NHERF2: variants seen among roughly 807,000 people sequenced by gnomAD.
NHERF2 encodes NHERF family PDZ scaffold protein 2, also known as Na(+)/H(+) exchange regulatory cofactor NHE-RF2.
chr16:2,028,067 G>A, the NHERF2 span, among the ~76,000 whole-genome samples: 5 of 152,306 alleles, frequency 3.3e-5, no homozygotes, highest in African/African-American at 1.2e-4. Flanking sequence ...ACAGGCCAGG[G>A]ACTCCCTCCA....
At chr16:2,033,606 A>G in the NHERF2 span, among the ~76,000 whole-genome samples, 1 of 152,008 alleles carries the variant, frequency 6.6e-6, no homozygotes, top group Non-Finnish European at 1.5e-5. Context: ...TGCCCAGGGT[A>G]CCCCCATGCC....
the NHERF2 span, chr16:2,036,737 C>A: frequency 1.2e-6 from 2 of 1,612,396 alleles, no homozygotes; most frequent in Non-Finnish European, 1.7e-6. Context: ...GGTGAACGGG[C>A]AGAATGTGGA....
the NHERF2 span, chr16:2,033,392 C>T: frequency 2.2e-5 from 33 of 1,533,264 alleles, no homozygotes; most frequent in Non-Finnish European, 2.6e-5. Context: ...GCCCGGGCTC[C>T]GGGAGCCCCT....
the NHERF2 span, chr16:2,036,565 G>C: frequency 6.5e-7 from 1 of 1,530,294 alleles, no homozygotes; most frequent in Non-Finnish European, 8.8e-7. Flanking sequence ...CTGGGGCCCT[G>C]GGTCCTTGCA....
chr16:2,034,171 C>T, the NHERF2 span, among the ~76,000 whole-genome samples: 2 of 152,152 alleles, frequency 1.3e-5, no homozygotes, highest in African/African-American at 4.8e-5. Context: ...TGGGGCTGGC[C>T]GCATGTGTGG....
At chr16:2,038,231 G>A in the NHERF2 span, 3 of 590,184 alleles carry the variant, frequency 5.1e-6, no homozygotes, top group Non-Finnish European at 9.0e-6. Context: ...CAGAGAGAGA[G>A]AGAGAGAGAC....
chr16:2,036,748 G>A, the NHERF2 span: 2 of 1,613,126 alleles, frequency 1.2e-6, no homozygotes, highest in Non-Finnish European at 8.5e-7. Flanking sequence ...AGAATGTGGA[G>A]GGACTGCGCC....
chr16:2,035,378 C>T, the NHERF2 span: 270 of 985,810 alleles, frequency 2.7e-4, 1 homozygote, highest in African/African-American at 4.3e-3. Context: ...GCCCCCTTGC[C>T]ATGCCGCCCC....
chr16:2,036,658 C>G, the NHERF2 span: 4 of 1,580,554 alleles, frequency 2.5e-6, no homozygotes, highest in South Asian at 4.5e-5. Context: ...TATTTGATGC[C>G]ACACCTGGCC....
the NHERF2 span, chr16:2,029,823 C>G: frequency 2.0e-6 from 3 of 1,477,142 alleles, no homozygotes; most frequent in Non-Finnish European, 2.8e-6. Context: ...CTAGCCTCTC[C>G]CAGAGGCTCT....
chr16:2,030,661 G>C, the NHERF2 span, among the ~76,000 whole-genome samples: 1 of 149,912 alleles, frequency 6.7e-6, no homozygotes, highest in African/African-American at 2.5e-5. Context: ...AACCCTGGCC[G>C]GGTGCGGTGG....
At chr16:2,029,270 T>C in the NHERF2 span, among the ~76,000 whole-genome samples, 5 of 152,196 alleles carry the variant, frequency 3.3e-5, no homozygotes, top group Non-Finnish European at 7.3e-5. Context: ...CAGACAGGAC[T>C]TACCCAGCGG....
At chr16:2,027,487 C>A in the NHERF2 span, among the ~76,000 whole-genome samples, 1 of 152,236 alleles carries the variant, frequency 6.6e-6, no homozygotes, top group Non-Finnish European at 1.5e-5. Flanking sequence ...CTCAGTGTGC[C>A]GTGAAGGAGG....
chr16:2,029,711 G>A, the NHERF2 span: 76 of 912,786 alleles, frequency 8.3e-5, no homozygotes, highest in Non-Finnish European at 1.1e-4. Flanking sequence ...GCTCCCACCC[G>A]CCCACGACCC....
the NHERF2 span, chr16:2,032,790 C>G: frequency 1.0e-6 from 1 of 996,316 alleles, no homozygotes. The surrounding 1 kb of genome is among the most constrained non-coding windows in gnomAD (Gnocchi z 4.0). Flanking sequence ...AGGGGACAGC[C>G]CCCAAACAGA....
the NHERF2 span, chr16:2,038,468 A>C: frequency 2.7e-6 from 1 of 377,334 alleles, no homozygotes; most frequent in Non-Finnish European, 5.0e-6. Flanking sequence ...AATAAAACAA[A>C]CCTTTCTCTG....
At chr16:2,029,621 C>T in the NHERF2 span, 4 of 1,579,770 alleles carry the variant, frequency 2.5e-6, no homozygotes, top group South Asian at 1.2e-5. Flanking sequence ...GCAGACTCGG[C>T]TGCTGGTGGT....
chr16:2,030,657 G>A, the NHERF2 span, among the ~76,000 whole-genome samples: 2 of 146,906 alleles, frequency 1.4e-5, no homozygotes, highest in East Asian at 2.0e-4. Context: ...AGAGAACCCT[G>A]GCCGGGTGCG....
the NHERF2 span, chr16:2,038,023 C>T: frequency 1.2e-5 from 19 of 1,607,694 alleles, no homozygotes; most frequent in Middle Eastern, 1.7e-4. Context: ...GGACCCCTCC[C>T]GCACGGACCT....
Sources: gnomAD v4.1 joint callset for allele counts (sites outside exome capture counted in the v4.1 genomes callset) on GRCh38, gnomAD v4.1.1 for gene constraint, Gnocchi (gnomAD v3.1) non-coding constraint, MANE v1.5 for transcripts, NCBI Gene and HGNC (gene_info 2026-07-23, HGNC 2026-07-21) for gene names.